The following ADD3 variants were observed in gnomAD, a reference collection of about 807,000 sequenced individuals.
The protein encoded by ADD3 is adducin 3.
ADD3 carries 25 observed loss-of-function variants against 80.2 expected under a neutral mutation model. That is an observed-to-expected ratio of 0.31 (90% CI 0.23 to 0.44). The LOEUF (loss-of-function observed/expected upper bound fraction) is 0.44, where lower values mean the gene tolerates loss of function less well. Ranked by LOEUF, ADD3 falls within the 20% of genes least tolerant of loss-of-function variation. The probability of loss-of-function intolerance (pLI) is 1.00; values close to 1 mark genes in which losing one functional copy is unlikely to be tolerated. For synonymous variants in ADD3, 284 were observed against 289.6 expected, an observed-to-expected ratio of 0.98 and a Z score of 0.20; for missense variants, 829 against 847.5, an observed-to-expected ratio of 0.98 and a Z score of 0.27.
intron 3 of ADD3, among the ~76,000 whole-genome samples, 188 bp from the exon 4 acceptor site, chr10:110,116,071 C>T (rs1469932486): frequency 3.9e-5 from 6 of 152,178 alleles, no homozygotes. Flanking sequence ...ATAGCTGATA[C>T]TTATTTTTAC....
chr10:110,095,907 A>G (rs1257005020), intron 1 of ADD3, among the ~76,000 whole-genome samples: 3 of 152,202 alleles, frequency 2.0e-5, no homozygotes, highest in Admixed American at 6.5e-5. Flanking sequence ...TTAAATGACA[A>G]TTATAGCAAT....
At chr10:110,128,592 T>C (rs1435224404) in intron 12 of ADD3, among the ~76,000 whole-genome samples, 2 of 152,046 alleles carry the variant, frequency 1.3e-5, no homozygotes, top group Admixed American at 1.3e-4. Flanking sequence ...ATTTTTTTTG[T>C]ATTTTTAGTA....
chr10:110,007,911 C>A (rs1346959583), upstream of ADD3: 1 of 33,064 alleles, frequency 3.0e-5, no homozygotes, highest in Non-Finnish European at 5.5e-5. Flanking sequence ...GGGGGGGGCG[C>A]TTGGGGACCT....
chr10:110,099,471 C>G (rs1049414102), intron 1 of ADD3, among the ~76,000 whole-genome samples: 1 of 152,090 alleles, frequency 6.6e-6, no homozygotes, highest in Non-Finnish European at 1.5e-5. Flanking sequence ...TGGGTCACAA[C>G]CCATTAGTGG....
intron 1 of ADD3, among the ~76,000 whole-genome samples, chr10:110,018,973 G>A (rs1053128084): frequency 6.6e-6 from 1 of 152,154 alleles, no homozygotes; most frequent in Non-Finnish European, 1.5e-5. Flanking sequence ...AGGAAAGTTA[G>A]TATTAATAGA....
intron 9 of ADD3, among the ~76,000 whole-genome samples, chr10:110,123,613 A>C (rs1413459673): frequency 1.3e-5 from 2 of 152,114 alleles, no homozygotes; most frequent in Non-Finnish European, 1.5e-5. Flanking sequence ...TGGTTTGGCA[A>C]ATGTTATTTT....
At chr10:110,042,807 A>G (rs931849791) in intron 1 of ADD3, among the ~76,000 whole-genome samples, 2 of 152,090 alleles carry the variant, frequency 1.3e-5, no homozygotes, top group East Asian at 1.9e-4. Context: ...TTCATGAGAA[A>G]GTTTACAGTA....
At chr10:110,096,915 T>C (rs1848238751) in intron 1 of ADD3, among the ~76,000 whole-genome samples, 1 of 151,986 alleles carries the variant, frequency 6.6e-6, no homozygotes, top group Non-Finnish European at 1.5e-5. Flanking sequence ...GTAACTCAGG[T>C]GGAAAGGGCT....
chr10:110,069,590 C>T (rs1462855623), intron 1 of ADD3, among the ~76,000 whole-genome samples: 2 of 151,726 alleles, frequency 1.3e-5, no homozygotes, highest in African/African-American at 4.8e-5. Flanking sequence ...ATCTACCTTG[C>T]TTATACTTGA....
intron 1 of ADD3, among the ~76,000 whole-genome samples, chr10:110,066,135 A>G (rs1239478564): frequency 2.0e-5 from 3 of 152,202 alleles, no homozygotes; most frequent in Admixed American, 6.5e-5. Context: ...ATGCTGGTGT[A>G]TAAACCCAAA....
At chr10:110,113,543 A>C (rs2134063416) in intron 3 of ADD3, among the ~76,000 whole-genome samples, 1 of 152,328 alleles carries the variant, frequency 6.6e-6, no homozygotes, top group Non-Finnish European at 1.5e-5. Flanking sequence ...CTGGGATTAC[A>C]GGCCTGAGCC....
intron 1 of ADD3, among the ~76,000 whole-genome samples, chr10:110,078,393 T>C (rs1265200518): frequency 6.6e-6 from 1 of 152,250 alleles, no homozygotes; most frequent in Non-Finnish European, 1.5e-5. Flanking sequence ...AGAAAAATGT[T>C]TGGATGTTAA....
At chr10:110,026,412 C>T (rs1256892682) in intron 1 of ADD3, among the ~76,000 whole-genome samples, 3 of 151,844 alleles carry the variant, frequency 2.0e-5, no homozygotes, top group African/African-American at 7.3e-5. Context: ...TCCTGAGTAG[C>T]TGGGATTACA....
intron 1 of ADD3, among the ~76,000 whole-genome samples, chr10:110,063,740 T>TATATATAC (rs1843513771): frequency 4.5e-5 from 1 of 21,998 alleles, no homozygotes; most frequent in Non-Finnish European, 8.7e-5. Context: ...ATATTCATTA[T>TATATATAC]ATATATATAT....
intron 1 of ADD3, among the ~76,000 whole-genome samples, chr10:110,068,814 T>C (rs1437575784): frequency 6.6e-6 from 1 of 152,220 alleles, no homozygotes; most frequent in Non-Finnish European, 1.5e-5. Flanking sequence ...TGGTGGCTTA[T>C]TCCTGTAATC....
Position 110,124,148 on chromosome 10 carries a change from C to T in ADD3, c.1275C>T (p.Leu425=). 1 of 1,614,148 alleles carries T rather than the reference C, an allele frequency of 6.2e-7. No individual in the cohort carries two copies. The highest frequency in any genetic ancestry group is 8.5e-7 in the Non-Finnish European group (1 of 1,180,004). ...FEDDTVPLSP[L]KYMAQRQQRE... is the part of the protein sequence containing the mutation. ...ACGATACAGTGCCACTCTCTCCTCT[C>T]AAATACATGGCACAGAGGCAACAGC... The change falls in exon 10 of 15, where the codon CTC becomes CTT. Residue 425 remains leucine, a synonymous_variant. Transcript: ENST00000356080.
At chr10:110,053,884 T>G (rs1384231858) in intron 1 of ADD3, among the ~76,000 whole-genome samples, 2 of 152,224 alleles carry the variant, frequency 1.3e-5, no homozygotes, top group Non-Finnish European at 2.9e-5. Context: ...AATTTACATT[T>G]TAGTTCCAAA....
At chr10:110,003,994 G>A (rs1011572463), upstream of ADD3, among the ~76,000 whole-genome samples, 1 of 152,138 alleles carries the variant, frequency 6.6e-6, no homozygotes, top group Non-Finnish European at 1.5e-5. Flanking sequence ...TATCCGTTAA[G>A]TGCCTTTATA....
intron 1 of ADD3, among the ~76,000 whole-genome samples, chr10:110,010,224 G>A (rs1025565218): frequency 6.6e-6 from 1 of 152,122 alleles, no homozygotes; most frequent in Non-Finnish European, 1.5e-5. Context: ...AACTTCTGAG[G>A]TTTTGAGGCT....
Sources: gnomAD v4.1 joint callset for allele counts (sites outside exome capture counted in the v4.1 genomes callset) on GRCh38, gnomAD v4.1.1 for gene constraint, MANE v1.5 for transcripts, NCBI Gene and HGNC (gene_info 2026-07-23, HGNC 2026-07-21) for gene names.